Variants in MACROD1 observed in about 807,000 individuals in gnomAD.
The protein encoded by MACROD1 is ADP-ribose glycohydrolase MACROD1.
A neutral mutation model predicts 41.4 loss-of-function variants in MACROD1; 31 were observed. That is an observed-to-expected ratio of 0.75 (90% CI 0.56 to 1.01). MACROD1 has a LOEUF of 1.01. Among genes scored for constraint, MACROD1 ranks in the 50% least tolerant of loss-of-function variants. The probability of loss-of-function intolerance (pLI) is 0.00; values close to 1 mark genes in which losing one functional copy is unlikely to be tolerated. For synonymous variants in MACROD1, 252 were observed against 203.4 expected, an observed-to-expected ratio of 1.24 and a Z score of -2.03; for missense variants, 473 against 460.0, an observed-to-expected ratio of 1.03 and a Z score of -0.26.
chr11:64,133,478 C>T (rs944090866), intron 3 of MACROD1, among the ~76,000 whole-genome samples: 2 of 152,048 alleles, frequency 1.3e-5, no homozygotes, highest in African/African-American at 4.8e-5. Context: ...CCCGGGGCTG[C>T]GGCCGTGTGA....
intron 4 of MACROD1, among the ~76,000 whole-genome samples, chr11:64,009,732 A>G (rs1439312467): frequency 6.6e-6 from 1 of 152,064 alleles, no homozygotes; most frequent in African/African-American, 2.4e-5. Context: ...TAGCCCCAGC[A>G]GCCCCTGGGG....
At chr11:64,088,202 T>C (rs2134513175) in intron 3 of MACROD1, among the ~76,000 whole-genome samples, 1 of 152,136 alleles carries the variant, frequency 6.6e-6, no homozygotes, top group East Asian at 1.9e-4. Flanking sequence ...TCCAGGGGTG[T>C]AGGGTGGGGA....
intron 3 of MACROD1, among the ~76,000 whole-genome samples, chr11:64,058,817 A>G (rs969876621): frequency 1.3e-5 from 2 of 152,010 alleles, no homozygotes; most frequent in Non-Finnish European, 2.9e-5. Context: ...GACGGGTGGG[A>G]GGGCGTGAAG....
chr11:64,046,882 A>C (rs1163447500), intron 3 of MACROD1, among the ~76,000 whole-genome samples: 1 of 152,148 alleles, frequency 6.6e-6, no homozygotes, highest in Non-Finnish European at 1.5e-5. Context: ...CTCTAGCCAG[A>C]TACTGCCGGA....
At chr11:64,005,310 G>A (rs1052481547) in intron 4 of MACROD1, among the ~76,000 whole-genome samples, 1 of 152,232 alleles carries the variant, frequency 6.6e-6, no homozygotes, top group Non-Finnish European at 1.5e-5. Flanking sequence ...TTATAGGCGT[G>A]AGCCACCGCG....
intron 3 of MACROD1, among the ~76,000 whole-genome samples, chr11:64,061,954 A>T: frequency 8.7e-6 from 1 of 114,938 alleles, no homozygotes. Flanking sequence ...GGCCTCTGCC[A>T]CCACCATGCC....
At chr11:64,114,639 A>ATGGATGGATGGATGAATGGACAGG (rs1944941711) in intron 3 of MACROD1, among the ~76,000 whole-genome samples, 1 of 151,466 alleles carries the variant, frequency 6.6e-6, no homozygotes, top group African/African-American at 2.4e-5. Context: ...GCATGCATGA[A>ATGGATGGATGGATGAATGGACAGG]TGGATGGATG....
rs1164907578 is a variant in MACROD1 at position 63,999,513 on chromosome 11, C to G, written c.817+17G>C. The G allele has an allele frequency of 6.2e-7, 1 of 1,604,368 alleles. No individual in the cohort carries two copies. Among genetic ancestry groups the G allele is most frequent in the Admixed American group, 1.7e-5 (1 of 58,614 alleles). On this transcript the variant is annotated intron_variant, in intron 7 of 10. Coordinates refer to ENST00000255681, the MANE Select transcript of MACROD1 (RefSeq NM_014067.4). ...TCCACCGCCCACTCCTGGTCCTTGC[C>G]TTTCTTCCAGACTCACCAAACACGC... is the stretch of plus-strand genomic sequence containing the variant.
At chr11:64,094,616 G>C (rs948331820) in intron 3 of MACROD1, among the ~76,000 whole-genome samples, 3 of 152,188 alleles carry the variant, frequency 2.0e-5, no homozygotes, top group African/African-American at 7.2e-5. Context: ...GAGCCATTGG[G>C]TCGCGTACGT....
chr11:64,138,841 C>T (rs1324492521), intron 3 of MACROD1, among the ~76,000 whole-genome samples: 1 of 151,956 alleles, frequency 6.6e-6, no homozygotes, highest in Non-Finnish European at 1.5e-5. Context: ...CATCTCAGCT[C>T]ACTGCAACTT....
chr11:64,041,554 T>C (rs1041873704), intron 3 of MACROD1, among the ~76,000 whole-genome samples: 48 of 150,580 alleles, frequency 3.2e-4, no homozygotes, highest in African/African-American at 1.1e-3. Flanking sequence ...GTCGCAGAGG[T>C]GGGGCTTCGT....
chr11:64,097,217 T>C (rs1944592612), intron 3 of MACROD1, among the ~76,000 whole-genome samples: 1 of 152,068 alleles, frequency 6.6e-6, no homozygotes, highest in African/African-American at 2.4e-5. Context: ...CCCCAGAAAG[T>C]ACAGGGAGGG....
chr11:64,023,535 G>A (rs1219080150), intron 3 of MACROD1, among the ~76,000 whole-genome samples: 1 of 152,180 alleles, frequency 6.6e-6, no homozygotes, highest in African/African-American at 2.4e-5. Flanking sequence ...AGCACTCCTG[G>A]TAAGTCAGGG....
rs762177294 is a variant in MACROD1, at chr11:64,116,248, G to A, written c.517+34991C>T. The A allele has an allele frequency of 2.5e-6, 4 of 1,583,806 alleles. No individual in the cohort carries two copies. In the African/African-American group the frequency reaches 5.4e-5, roughly 21 times the overall value. On this transcript the variant is annotated intron_variant, in intron 3 of 10. Coordinates refer to ENST00000255681, the MANE Select transcript of MACROD1 (RefSeq NM_014067.4). ...TCAGGCTCCAGGCCAGGTGGGGCCGGACGCCCCCAGCCATCCACCATGGTG... is the reference window on the plus strand; with the variant it reads ...TCAGGCTCCAGGCCAGGTGGGGCCGAACGCCCCCAGCCATCCACCATGGTG...
chr11:64,029,358 T>C (rs1943264259), intron 3 of MACROD1, among the ~76,000 whole-genome samples: 1 of 151,986 alleles, frequency 6.6e-6, no homozygotes, highest in South Asian at 2.1e-4. Flanking sequence ...AGAGGCACAG[T>C]GACGGGGTGG....
At chr11:64,149,908 C>T (rs1945549603) in intron 3 of MACROD1, among the ~76,000 whole-genome samples, 1 of 152,242 alleles carries the variant, frequency 6.6e-6, no homozygotes, top group Admixed American at 6.5e-5. Context: ...CTCAGATGGA[C>T]TAGCAGTTCT....
intron 1 of MACROD1, among the ~76,000 whole-genome samples, chr11:64,155,472 A>G (rs1316541358): frequency 6.6e-6 from 1 of 152,174 alleles, no homozygotes; most frequent in Non-Finnish European, 1.5e-5. Context: ...GGGTTTTCCC[A>G]TCTCTGGAAT....
chr11:64,122,191 C>T lies in MACROD1; in HGVS notation c.517+29048G>A, dbSNP rs1945109750. ...TGTGCATCAAAAGCTCCTTTTCTTCCCTTTTCTCCTTCCCCCTCCCCACGG... is the reference window on the plus strand; with the variant it reads ...TGTGCATCAAAAGCTCCTTTTCTTCTCTTTTCTCCTTCCCCCTCCCCACGG... On this transcript the variant is annotated intron_variant, in intron 3 of 10. Transcript: ENST00000255681. This position sits in a 1 kb window ranked among gnomAD's most constrained non-coding sequence, Gnocchi z 4.0. 6.6e-6 allele frequency among the ~76,000 whole-genome samples: 1 copy of T among 152,230 alleles called. No individual in the cohort carries two copies. Among genetic ancestry groups the T allele is most frequent in the African/African-American group, 2.4e-5 (1 of 41,466 alleles).
intron 3 of MACROD1, among the ~76,000 whole-genome samples, chr11:64,065,943 G>C (rs1291597108): frequency 1.3e-5 from 2 of 152,200 alleles, no homozygotes; most frequent in African/African-American, 2.4e-5. Context: ...AGGCTTTCCA[G>C]GGGAGGTGAC....
Sources: allele counts gnomAD v4.1 joint callset (sites outside exome capture counted in the v4.1 genomes callset), GRCh38; gene constraint gnomAD v4.1.1; non-coding constraint Gnocchi (gnomAD v3.1); transcripts MANE v1.5; gene names NCBI Gene and HGNC (gene_info 2026-07-23, HGNC 2026-07-21).